NFIB: variants seen among roughly 807,000 people sequenced by gnomAD.
NFIB encodes the protein nuclear factor I B, also known as nuclear factor 1 B-type.
Under a neutral mutation model 61.5 loss-of-function variants are expected in NFIB, and 11 were observed. That is an observed-to-expected ratio of 0.18 (90% CI 0.11 to 0.30). NFIB has a LOEUF of 0.30. Among genes scored for constraint, NFIB ranks in the 10% least tolerant of loss-of-function variants. The pLI, the probability that NFIB is intolerant of heterozygous loss-of-function variation, is 1.00. For synonymous variants in NFIB, 260 were observed against 216.5 expected (o/e 1.20, Z -1.76); for missense variants, 471 against 608.9 (o/e 0.77, Z 2.38).
chr9:14,156,001 A>G (rs374990465), intron 3 of NFIB, 108 bp from the exon 4 acceptor site: 1 of 558,830 alleles, frequency 1.8e-6, no homozygotes. Flanking sequence ...AACAAAAACC[A>G]AATATGCTTA....
At chr9:14,439,104 C>T in the NFIB span, among the ~76,000 whole-genome samples, 1 of 152,182 alleles carries the variant, frequency 6.6e-6, no homozygotes, top group Non-Finnish European at 1.5e-5. Flanking sequence ...GGCGTTGTGG[C>T]TCGTGCCTAA....
chr9:14,143,764 G>A (rs990966938), intron 6 of NFIB, among the ~76,000 whole-genome samples: 1 of 152,172 alleles, frequency 6.6e-6, no homozygotes, highest in Non-Finnish European at 1.5e-5. Flanking sequence ...ACAGGGAAGT[G>A]TGTCTAAAGA....
intron 10 of NFIB, among the ~76,000 whole-genome samples, chr9:14,099,284 G>C (rs889053325): frequency 1.3e-5 from 2 of 152,018 alleles, no homozygotes; most frequent in African/African-American, 2.4e-5. Context: ...TCGTGACAAA[G>C]GCAAATTATT....
At chr9:14,245,799 G>A (rs1329405376) in intron 2 of NFIB, among the ~76,000 whole-genome samples, 1 of 152,000 alleles carries the variant, frequency 6.6e-6, no homozygotes, top group South Asian at 2.1e-4. Context: ...CTTGAACCCG[G>A]GAGGCAGACA....
the NFIB span, among the ~76,000 whole-genome samples, chr9:14,419,552 G>A: frequency 1.3e-5 from 2 of 152,036 alleles, no homozygotes; most frequent in Non-Finnish European, 2.9e-5. Context: ...AAGAGACCCC[G>A]TGTTTTAATT....
chr9:14,433,203 G>C, the NFIB span, among the ~76,000 whole-genome samples: 1 of 152,078 alleles, frequency 6.6e-6, no homozygotes, highest in African/African-American at 2.4e-5. Flanking sequence ...TTAAAGCTGT[G>C]TTTCTCACAT....
At chr9:14,381,270 C>A (rs189703536) in intron 1 of NFIB, among the ~76,000 whole-genome samples, 2 of 151,836 alleles carry the variant, frequency 1.3e-5, no homozygotes, top group Admixed American at 1.3e-4. Flanking sequence ...TGGCTTATTG[C>A]AACCTCCACC....
At chr9:14,091,889 T>C (rs756846823) in intron 10 of NFIB, among the ~76,000 whole-genome samples, 1 of 152,080 alleles carries the variant, frequency 6.6e-6, no homozygotes, top group Non-Finnish European at 1.5e-5. Context: ...ATGCATATAA[T>C]GAGATAGTTC....
chr9:14,499,798 G>T, the NFIB span, among the ~76,000 whole-genome samples: 76 of 152,218 alleles, frequency 5.0e-4, no homozygotes, highest in African/African-American at 1.7e-3. Context: ...ATTAGAAATG[G>T]CTGAGGAAAG....
chr9:14,320,383 G>T lies in NFIB; in HGVS notation c.109-12863C>A, dbSNP rs574727485. 3.3e-5 allele frequency among the ~76,000 whole-genome samples: 5 copies of T among 152,254 alleles called. No individual in the cohort carries two copies. In the South Asian group the frequency reaches 1.0e-3, roughly 32 times the overall value. On this transcript the variant is annotated intron_variant, in intron 1 of 8. Transcript: ENST00000380934. ...TTTTCCTGTGTTCCTCATCACTTAG[G>T]CAGGAATCTGTAGTATATTGCGTCA...
At chr9:14,291,327 A>G (rs2059083434) in intron 2 of NFIB, among the ~76,000 whole-genome samples, 1 of 152,020 alleles carries the variant, frequency 6.6e-6, no homozygotes, top group South Asian at 2.1e-4. Flanking sequence ...TCTACTAAAA[A>G]TACAAAAATT....
the NFIB span, among the ~76,000 whole-genome samples, chr9:14,487,649 CA>C: frequency 6.6e-6 from 1 of 152,222 alleles, no homozygotes; most frequent in Admixed American, 6.5e-5. Flanking sequence ...TCAAATCCAT[CA>C]GGGATGTGAT....
At chr9:14,256,313 G>T (rs2056215465) in intron 2 of NFIB, among the ~76,000 whole-genome samples, 1 of 152,038 alleles carries the variant, frequency 6.6e-6, no homozygotes, top group African/African-American at 2.4e-5. Context: ...GGGAAACTAT[G>T]TTCTAAGAAA....
chr9:14,502,455 G>A, the NFIB span, among the ~76,000 whole-genome samples: 1 of 152,188 alleles, frequency 6.6e-6, no homozygotes, highest in Non-Finnish European at 1.5e-5. Context: ...TCCAGGGACA[G>A]GAAATCTAAT....
chr9:14,272,245 T>G (rs547249233), intron 2 of NFIB, among the ~76,000 whole-genome samples: 1 of 152,296 alleles, frequency 6.6e-6, no homozygotes, highest in South Asian at 2.1e-4. Flanking sequence ...TGTTAAAATA[T>G]CTTACTCCCA....
intron 10 of NFIB, among the ~76,000 whole-genome samples, chr9:14,110,444 C>T (rs1263096654): frequency 1.3e-5 from 2 of 152,024 alleles, no homozygotes; most frequent in East Asian, 3.9e-4. Context: ...CAGACTAAAG[C>T]ACTGCCTTTC....
the NFIB span, among the ~76,000 whole-genome samples, chr9:14,498,169 C>T: frequency 6.6e-6 from 1 of 152,222 alleles, no homozygotes; most frequent in East Asian, 1.9e-4. Context: ...AGCAGCAGGA[C>T]TAGGACTTAA....
chr9:14,424,895 A>G, the NFIB span, among the ~76,000 whole-genome samples: 1 of 152,194 alleles, frequency 6.6e-6, no homozygotes, highest in South Asian at 2.1e-4. Context: ...AGGAAAGCCC[A>G]TTTCTTCTAG....
At chr9:14,136,282 G>C (rs533536900) in intron 6 of NFIB, among the ~76,000 whole-genome samples, 3 of 152,130 alleles carry the variant, frequency 2.0e-5, no homozygotes, top group African/African-American at 4.8e-5. Context: ...ATTTGAAAGA[G>C]AGAAAAAACA....
Sources: allele counts gnomAD v4.1 joint callset (sites outside exome capture counted in the v4.1 genomes callset), GRCh38; gene constraint gnomAD v4.1.1; transcripts MANE v1.5; gene names NCBI Gene and HGNC (gene_info 2026-07-23, HGNC 2026-07-21).